The following PTCD1 variants were observed in gnomAD, a reference collection of about 807,000 sequenced individuals.
PTCD1 encodes pentatricopeptide repeat-containing protein 1, mitochondrial.
In PTCD1, 50 loss-of-function variants were observed where a neutral mutation model predicts 53.4. That is an observed-to-expected ratio of 0.94 (90% CI 0.75 to 1.19). PTCD1 has a LOEUF of 1.19. Ranked by LOEUF, PTCD1 falls within the 50% of genes most tolerant of loss-of-function variation. PTCD1 has a pLI of 0.00. For synonymous variants in PTCD1, 413 were observed against 394.8 expected, an observed-to-expected ratio of 1.05 and a Z score of -0.55; for missense variants, 918 against 904.8, an observed-to-expected ratio of 1.01 and a Z score of -0.19.
rs1365618423 is a variant in PTCD1 at position 99,418,768 on chromosome 7, G to GC, written c.*1198dup. On this transcript the variant is annotated 3_prime_UTR_variant, in exon 8 of 8. Coordinates refer to ENST00000292478, the MANE Select transcript of PTCD1 (RefSeq NM_015545.4). ...CTGCTTCAGCCCTGTGGCCAAAACA[G>GC]CCCGCTGTAGACTTACCTGGGTTTC... The GC allele has an allele frequency of 6.6e-6, 1 of 152,554 alleles. No homozygotes were observed. Among genetic ancestry groups the GC allele is most frequent in the Non-Finnish European group, 1.5e-5 (1 of 68,304 alleles). The allele number at this position is 152,554 out of a possible 1,614,324, so 9.5% of individuals were successfully genotyped here. A position where few individuals can be genotyped will look rare whatever the true frequency, so the allele number is the denominator to read the frequency against.
intron 3 of PTCD1, among the ~76,000 whole-genome samples, chr7:99,431,429 A>G (rs1342935734): frequency 6.6e-6 from 1 of 152,196 alleles, no homozygotes; most frequent in Non-Finnish European, 1.5e-5. Flanking sequence ...CACCTGGCCA[A>G]AAATAATAGT....
rs1795546799 is a variant in PTCD1, at chr7:99,417,279, C to G, written c.*2688G>C. 1 of 709,164 alleles carries G rather than the reference C, an allele frequency of 1.4e-6. No homozygotes were observed. The highest frequency in any genetic ancestry group is 2.5e-5 in the Admixed American group (1 of 39,844). The allele number at this position is 709,164 out of a possible 1,614,324, so 43.9% of individuals were successfully genotyped here. On this transcript the variant is annotated 3_prime_UTR_variant, in exon 8 of 8. Coordinates refer to ENST00000292478, the MANE Select transcript of PTCD1 (RefSeq NM_015545.4). The stretch of plus-strand genomic sequence containing the variant: ...TGTTGGCCGGGCTGGTCCTGAACTC[C>G]TGACCTCAGGTGATCCGCCTGCCTC...
In PTCD1 at chr7:99,425,384, G is replaced by A. The variant is rs763455487; in HGVS notation, c.1148C>T (p.Ala383Val). The change falls in exon 6 of 8, where the codon GCC becomes GTC. Residue 383 changes from alanine (A) to valine (V), a missense_variant. Transcript: ENST00000292478. ...NLMSAMLHVE[A>V]LERQLFLEPS... Reference sequence around the variant, plus strand: ...TTCCAGAAACAGCTGCCTCTCCAGGGCCTCCACATGCAGCATGGCTGACAT... The same window carrying A: ...TTCCAGAAACAGCTGCCTCTCCAGGACCTCCACATGCAGCATGGCTGACAT... The A allele has an allele frequency of 3.7e-6, 6 of 1,614,054 alleles. No individual in the cohort carries two copies. Among genetic ancestry groups the A allele is most frequent in the Non-Finnish European group, 5.1e-6 (6 of 1,180,046 alleles).
In PTCD1 at chr7:99,419,333, A is replaced by T. The variant is rs1288099111; in HGVS notation, c.*634T>A. 1 of 1,593,842 alleles carries T rather than the reference A, an allele frequency of 6.3e-7. No homozygotes were observed. Among genetic ancestry groups the T allele is most frequent in the Non-Finnish European group, 8.6e-7 (1 of 1,165,164 alleles). Reference sequence around the variant, plus strand: ...TCGTGGGAGGGTTGCCACATATGTGAGTGTGCAGGGGCGAGCGTGGCGCAG... The same window carrying T: ...TCGTGGGAGGGTTGCCACATATGTGTGTGTGCAGGGGCGAGCGTGGCGCAG... On this transcript the variant is annotated 3_prime_UTR_variant, in exon 8 of 8. Coordinates refer to ENST00000292478, the MANE Select transcript of PTCD1 (RefSeq NM_015545.4).
chr7:99,422,646 T>A (rs940939741), intron 7 of PTCD1, among the ~76,000 whole-genome samples: 1 of 152,166 alleles, frequency 6.6e-6, no homozygotes, highest in African/African-American at 2.4e-5. Flanking sequence ...CAGACATAGA[T>A]AAGCAAACTG....
intron 3 of PTCD1, among the ~76,000 whole-genome samples, chr7:99,431,800 G>C (rs2150958006): frequency 6.6e-6 from 1 of 152,284 alleles, no homozygotes; most frequent in East Asian, 1.9e-4. Flanking sequence ...TGTCTATGTA[G>C]AAAGAAGTAG....
Position 99,417,076 on chromosome 7 carries a change from T to A in PTCD1, c.*2891A>T, listed in dbSNP as rs1795524971. ...GCAATACTGAATGCCTTTTTTTTTT[T>A]GAGATGGAGTTTCGCTGTCACCCAG... On this transcript the variant is annotated 3_prime_UTR_variant, in exon 8 of 8. Transcript: ENST00000292478. The A allele has an allele frequency of 4.2e-6, 1 of 236,512 alleles. No homozygotes were observed. Among genetic ancestry groups the A allele is most frequent in the Admixed American group, 5.2e-5 (1 of 19,110 alleles). 14.7% of individuals were successfully genotyped at this position (236,512 alleles called of 1,614,324 possible).
At chr7:99,420,393 T>TA (rs1795748968) in intron 7 of PTCD1, among the ~76,000 whole-genome samples, 1 of 152,120 alleles carries the variant, frequency 6.6e-6, no homozygotes. Context: ...TCTTCCCAAA[T>TA]AGGCACCACT....
Position 99,434,939 on chromosome 7 carries a change from A to G in PTCD1, c.304T>C (p.Phe102Leu). Residue 102 changes from phenylalanine (F) to leucine (L), a missense_variant, in exon 2 of 8, where the codon TTC becomes CTC. Coordinates refer to ENST00000292478, the MANE Select transcript of PTCD1 (RefSeq NM_015545.4). ...LSDKYSSRRL[F>L]RKSAAQFHNL... ...TGGAACTGGGCTGCGGATTTGCGGAATAGTCTCCGGGAGGAGTATTTGTCA... is the reference window on the plus strand; with the variant it reads ...TGGAACTGGGCTGCGGATTTGCGGAGTAGTCTCCGGGAGGAGTATTTGTCA... 1.2e-6 allele frequency: 2 copies of G among 1,614,244 alleles called. No homozygotes were observed. The highest frequency in any genetic ancestry group is 1.7e-6 in the Non-Finnish European group (2 of 1,180,050).
rs777168916 is a variant in PTCD1 at position 99,425,326 on chromosome 7, C to T, written c.1206G>A (p.Pro402=). The T allele has an allele frequency of 3.1e-5, 50 of 1,614,074 alleles. No homozygotes were observed. Among genetic ancestry groups the T allele is most frequent in the Middle Eastern group, 1.6e-4 (1 of 6,072 alleles). ...GGGCCTTGCCGGGCACTCTGGCTTCCGGAGGCTCTGGAGGCCCAAGTGCCT... is the reference window on the plus strand; with the variant it reads ...GGGCCTTGCCGGGCACTCTGGCTTCTGGAGGCTCTGGAGGCCCAAGTGCCT... The part of the protein sequence containing the change: ...PSQALGPPEP[P]EARVPGKAQP... The change falls in exon 6 of 8, where the codon CCG becomes CCA. Residue 402 remains proline, a synonymous_variant. Transcript: ENST00000292478.
chr7:99,438,508 C>T, intron 1 of PTCD1, 184 bp downstream of exon 1: 1 of 1,113,686 alleles, frequency 9.0e-7, no homozygotes, highest in Non-Finnish European at 1.1e-6. Context: ...GAGAGACCCG[C>T]CCCTCCTCAG....
Position 99,418,671 on chromosome 7 carries a change from G to A in PTCD1, c.*1296C>T, listed in dbSNP as rs2150940756. On this transcript the variant is annotated 3_prime_UTR_variant, in exon 8 of 8. Coordinates refer to ENST00000292478, the MANE Select transcript of PTCD1 (RefSeq NM_015545.4). The stretch of plus-strand genomic sequence containing the variant: ...TGGAGGCAGGGACAGGTGGCAGAGT[G>A]GCAGAAGCCCCCTTCCTCTGAGTGC... 6.5e-6 allele frequency: 1 copy of A among 152,730 alleles called. No homozygotes were observed. The highest frequency in any genetic ancestry group is 2.4e-5 in the African/African-American group (1 of 41,590). 9.5% of individuals were successfully genotyped at this position (152,730 alleles called of 1,614,324 possible). A position where few individuals can be genotyped will look rare whatever the true frequency, so the allele number is the denominator to read the frequency against.
At chr7:99,426,704 C>T (rs1279065304) in intron 5 of PTCD1, among the ~76,000 whole-genome samples, 1 of 151,028 alleles carries the variant, frequency 6.6e-6, no homozygotes, top group Non-Finnish European at 1.5e-5. Context: ...CGTCTCTGCC[C>T]AGCCGCCATC....
chr7:99,434,788 A>G lies in PTCD1; in HGVS notation c.453+2T>C. On this transcript the variant is annotated splice_donor_variant, in intron 2 of 7. Coordinates refer to ENST00000292478, the MANE Select transcript of PTCD1 (RefSeq NM_015545.4). LOFTEE classifies it high-confidence loss of function. ...AGCCACAGAACCCAAAGTGCCCCTT[A>G]CCTTCCCTTCCTTGATCAGGTGTTT... The G allele has an allele frequency of 6.2e-7, 1 of 1,613,898 alleles. No individual in the cohort carries two copies. The highest frequency in any genetic ancestry group is 8.5e-7 in the Non-Finnish European group (1 of 1,180,010).
At position 99,438,720 on chromosome 7, in the gene PTCD1, C is replaced by G; in HGVS notation, c.-55G>C. On this transcript the variant is annotated 5_prime_UTR_variant, in exon 1 of 8. Coordinates refer to ENST00000292478, the MANE Select transcript of PTCD1 (RefSeq NM_015545.4). ...AAGTGTCCGGCGCAGTGCACTCCGA[C>G]GGGGAGCCCTGCCCGGTCCCCGCGG... 1 of 1,298,652 alleles carries G rather than the reference C, an allele frequency of 7.7e-7. No individual in the cohort carries two copies. Among genetic ancestry groups the G allele is most frequent in the South Asian group, 1.2e-5 (1 of 80,070 alleles). 80.4% of individuals were successfully genotyped at this position (1,298,652 alleles called of 1,614,324 possible).
At chr7:99,433,232 C>T (rs1796332100) in intron 3 of PTCD1, 46 bp downstream of exon 3, 1 of 1,613,936 alleles carries the variant, frequency 6.2e-7, no homozygotes, top group South Asian at 1.1e-5. Context: ...GGATCCGCCC[C>T]CAGCTTTTCA....
At chr7:99,436,546 C>G (rs1796473380) in intron 1 of PTCD1, among the ~76,000 whole-genome samples, 1 of 152,072 alleles carries the variant, frequency 6.6e-6, no homozygotes. Flanking sequence ...ACGTGGGAGG[C>G]AGAGGTTGCA....
At chr7:99,428,099 A>G (rs1309127825) in intron 5 of PTCD1, among the ~76,000 whole-genome samples, 2 of 151,386 alleles carry the variant, frequency 1.3e-5, no homozygotes, top group African/African-American at 2.4e-5. Context: ...AAGAATGATC[A>G]ATAAAAAAAA....
intron 3 of PTCD1, among the ~76,000 whole-genome samples, chr7:99,432,341 G>A (rs368587238): frequency 1.2e-4 from 19 of 152,200 alleles, no homozygotes; most frequent in African/African-American, 3.6e-4. Flanking sequence ...GGCGAAAACC[G>A]CCTCAGGGCT....
Sources: gnomAD v4.1 joint callset for allele counts (sites outside exome capture counted in the v4.1 genomes callset) on GRCh38, gnomAD v4.1.1 for gene constraint, MANE v1.5 for transcripts, NCBI Gene and HGNC (gene_info 2026-07-23, HGNC 2026-07-21) for gene names.